The following DPP10 variants were observed in gnomAD, a reference collection of about 807,000 sequenced individuals.
DPP10 encodes the protein dipeptidyl peptidase like 10.
In DPP10, 33 loss-of-function variants were observed where a neutral mutation model predicts 120.9. That is an observed-to-expected ratio of 0.27 (90% CI 0.21 to 0.37). The LOEUF (loss-of-function observed/expected upper bound fraction) is 0.37. DPP10 is among the 10% of genes least tolerant of loss of function. The pLI is 1.00. For missense variants in DPP10, 816 were observed against 942.8 expected, an observed-to-expected ratio of 0.87 and a Z score of 1.76; for synonymous variants, 337 against 326.1, an observed-to-expected ratio of 1.03 and a Z score of -0.36.
At chr2:115,271,475 C>G (rs1254140382) in intron 1 of DPP10, among the ~76,000 whole-genome samples, 5 of 152,004 alleles carry the variant, frequency 3.3e-5, no homozygotes, top group Non-Finnish European at 7.4e-5. Flanking sequence ...TTTTTCTTTA[C>G]TATTGAACAC....
intron 3 of DPP10, among the ~76,000 whole-genome samples, chr2:115,387,851 A>G (rs1170260520): frequency 6.6e-6 from 1 of 152,180 alleles, no homozygotes; most frequent in Non-Finnish European, 1.5e-5. Context: ...AATTGATGGT[A>G]ATAAACAGGC....
chr2:115,021,774 A>G (rs1703094680), intron 1 of DPP10, among the ~76,000 whole-genome samples: 1 of 152,014 alleles, frequency 6.6e-6, no homozygotes, highest in Admixed American at 6.6e-5. Flanking sequence ...TCAAAAAATT[A>G]TGACAAATCC....
intron 1 of DPP10, among the ~76,000 whole-genome samples, chr2:115,105,248 T>C (rs913461518): frequency 6.6e-6 from 1 of 152,200 alleles, no homozygotes; most frequent in Non-Finnish European, 1.5e-5. Context: ...TAGTCTGTTT[T>C]GCATTGCTAT....
intron 1 of DPP10, among the ~76,000 whole-genome samples, chr2:115,239,075 C>T (rs983010392): frequency 1.3e-5 from 2 of 152,138 alleles, no homozygotes; most frequent in African/African-American, 4.8e-5. Context: ...GCAGCACTGG[C>T]AGCTGATTAG....
At chr2:115,639,089 TAGTC>T (rs886148333) in intron 5 of DPP10, among the ~76,000 whole-genome samples, 3 of 152,142 alleles carry the variant, frequency 2.0e-5, no homozygotes, top group African/African-American at 7.2e-5. Context: ...GGGCCACCAT[TAGTC>T]AGCAGGGCCA....
chr2:115,350,287 A>G (rs2063941766), intron 3 of DPP10, among the ~76,000 whole-genome samples: 2 of 152,158 alleles, frequency 1.3e-5, no homozygotes, highest in Non-Finnish European at 2.9e-5. Context: ...TTGCATATAC[A>G]CACAAGTATA....
intron 1 of DPP10, among the ~76,000 whole-genome samples, chr2:115,114,973 A>G (rs1039598407): frequency 1.3e-5 from 2 of 151,948 alleles, no homozygotes; most frequent in Non-Finnish European, 2.9e-5. Context: ...TGCAAAATGA[A>G]CAGGTACCTG....
At chr2:114,517,540 T>A (rs1354354161) in intron 1 of DPP10, among the ~76,000 whole-genome samples, 2 of 150,234 alleles carry the variant, frequency 1.3e-5, no homozygotes, top group Non-Finnish European at 3.0e-5. Flanking sequence ...AAAAAAAAAT[T>A]GTCTGTCTTC....
chr2:114,559,891 C>CAAAAAAAAAAAAAAAAAAAAAA (rs60833358), intron 1 of DPP10, among the ~76,000 whole-genome samples: 4 of 65,934 alleles, frequency 6.1e-5, no homozygotes, highest in East Asian at 4.9e-4. Context: ...AGAAAAAAAG[C>CAAAAAAAAAAAAAAAAAAAAAA]AAAAAAAAAA....
intron 1 of DPP10, among the ~76,000 whole-genome samples, chr2:114,529,024 G>A (rs1051824110): frequency 6.6e-6 from 1 of 152,048 alleles, no homozygotes; most frequent in African/African-American, 2.4e-5. Context: ...GTCTGGCTGA[G>A]AAATAACTGG....
chr2:115,165,760 A>C (rs2052787465), intron 1 of DPP10, among the ~76,000 whole-genome samples: 1 of 152,326 alleles, frequency 6.6e-6, no homozygotes, highest in African/African-American at 2.4e-5. Flanking sequence ...TATTGCCTAA[A>C]AAGCGTGGCT....
intron 1 of DPP10, among the ~76,000 whole-genome samples, chr2:114,733,297 C>T (rs1405773349): frequency 6.6e-6 from 1 of 152,144 alleles, no homozygotes; most frequent in Non-Finnish European, 1.5e-5. Context: ...TCTGCAGACA[C>T]CATGCTACTC....
intron 1 of DPP10, among the ~76,000 whole-genome samples, chr2:114,955,540 T>A (rs1296024530): frequency 6.6e-6 from 1 of 152,184 alleles, no homozygotes; most frequent in Non-Finnish European, 1.5e-5. Context: ...ATACTAATCC[T>A]CCTCAAACAC....
chr2:115,107,551 A>G (rs1467118334), intron 1 of DPP10, among the ~76,000 whole-genome samples: 2 of 151,730 alleles, frequency 1.3e-5, no homozygotes, highest in Admixed American at 1.3e-4. Context: ...TTTTTAAACA[A>G]TGACTCAGAT....
At chr2:115,384,342 C>G (rs542691732) in intron 3 of DPP10, among the ~76,000 whole-genome samples, 2 of 151,534 alleles carry the variant, frequency 1.3e-5, no homozygotes, top group Middle Eastern at 3.4e-3. Flanking sequence ...TGACTGCACT[C>G]CAGCCTAGAT....
At chr2:115,123,899 C>T (rs1245065939) in intron 1 of DPP10, among the ~76,000 whole-genome samples, 1 of 151,862 alleles carries the variant, frequency 6.6e-6, no homozygotes, top group Non-Finnish European at 1.5e-5. Context: ...TATTACCGCA[C>T]CCAACAGGCC....
chr2:115,746,042 C>T, intron 9 of DPP10, 44 bp from the exon 10 acceptor site: 1 of 1,385,368 alleles, frequency 7.2e-7, no homozygotes, highest in Non-Finnish European at 1.0e-6. Flanking sequence ...CCAATATATT[C>T]TAATGCTTAA....
At chr2:115,828,566 C>T (rs1217418744) in intron 21 of DPP10, among the ~76,000 whole-genome samples, 1 of 151,868 alleles carries the variant, frequency 6.6e-6, no homozygotes, top group Non-Finnish European at 1.5e-5. Flanking sequence ...GCATGCATTT[C>T]TTTGTATGTT....
At position 115,791,270 on chromosome 2, in the gene DPP10, T is replaced by A; in HGVS notation, c.1631-17T>A. The A allele has an allele frequency of 6.2e-7, 1 of 1,607,836 alleles. No homozygotes were observed. The highest frequency in any genetic ancestry group is 8.5e-7 in the Non-Finnish European group (1 of 1,177,878). On this transcript the variant is annotated splice_polypyrimidine_tract_variant and intron_variant, in intron 18 of 25. Transcript: ENST00000410059. Reference sequence around the variant, plus strand: ...AAATGACTCTCCATCTTTAATATTTTGCTCTTTCTTTAAAAGAACTTCCTT... The same window carrying A: ...AAATGACTCTCCATCTTTAATATTTAGCTCTTTCTTTAAAAGAACTTCCTT...
Sources: gnomAD v4.1 joint callset for allele counts (sites outside exome capture counted in the v4.1 genomes callset) on GRCh38, gnomAD v4.1.1 for gene constraint, MANE v1.5 for transcripts, NCBI Gene and HGNC (gene_info 2026-07-23, HGNC 2026-07-21) for gene names.